Variants in COL8A1 observed in about 807,000 individuals in gnomAD.
COL8A1 encodes collagen alpha-1(VIII) chain.
A neutral mutation model predicts 42.7 loss-of-function variants in COL8A1; 21 were observed. The observed-to-expected ratio is 0.49, with a 90% CI of 0.35 to 0.71. The LOEUF (loss-of-function observed/expected upper bound fraction) is 0.71. Among genes scored for constraint, COL8A1 ranks in the 30% least tolerant of loss-of-function variants. COL8A1 has a pLI of 0.01. For synonymous variants in COL8A1, 367 were observed against 369.1 expected, an observed-to-expected ratio of 0.99 and a Z score of 0.06; for missense variants, 788 against 962.4, an observed-to-expected ratio of 0.82 and a Z score of 2.40.
chr3:99,777,108 T>C (rs1291252018), intron 2 of COL8A1, among the ~76,000 whole-genome samples: 1 of 152,182 alleles, frequency 6.6e-6, no homozygotes, highest in Non-Finnish European at 1.5e-5. Flanking sequence ...TGACTAAGAA[T>C]GCCTTAACCT....
intron 2 of COL8A1, among the ~76,000 whole-genome samples, chr3:99,754,918 T>A (rs905709625): frequency 1.3e-5 from 2 of 152,228 alleles, no homozygotes; most frequent in African/African-American, 4.8e-5. Context: ...ATGCTAAGAC[T>A]TGCTGGCATC....
intron 1 of COL8A1, among the ~76,000 whole-genome samples, chr3:99,715,322 A>G (rs1857290): frequency 0.71 from 107,408 of 151,948 alleles, 38,676 homozygotes; most frequent in African/African-American, 0.86. Context: ...ACTATTAGTG[A>G]AGACAGTAAG....
At chr3:99,679,353 C>CCCCCAACCCCATGACAGGCCCCGGTGTG (rs1938797469) in intron 1 of COL8A1, 1 of 152,184 alleles carries the variant, frequency 6.6e-6, no homozygotes, top group Admixed American at 6.5e-5. Context: ...AAGCAAAACC[C>CCCCCAACCCCATGACAGGCCCCGGTGTG]TTCACACCTA....
intron 1 of COL8A1, among the ~76,000 whole-genome samples, chr3:99,735,541 G>T (rs921244294): frequency 2.0e-5 from 3 of 150,238 alleles, no homozygotes; most frequent in Non-Finnish European, 4.4e-5. Flanking sequence ...TGTGCTGCTG[G>T]ATTCAGTTTG....
At chr3:99,736,176 T>C (rs1576455671) in intron 1 of COL8A1, among the ~76,000 whole-genome samples, 1 of 152,200 alleles carries the variant, frequency 6.6e-6, no homozygotes, top group Non-Finnish European at 1.5e-5. Context: ...ATTTTAGTTA[T>C]TTCTTGCCTT....
chr3:99,682,999 T>C (rs1938935999), intron 1 of COL8A1, among the ~76,000 whole-genome samples: 1 of 152,230 alleles, frequency 6.6e-6, no homozygotes, highest in Admixed American at 6.5e-5. Context: ...TTATCTTCTG[T>C]ATGAACTTTT....
At chr3:99,658,811 A>G (rs1938111314) in intron 1 of COL8A1, among the ~76,000 whole-genome samples, 1 of 152,214 alleles carries the variant, frequency 6.6e-6, no homozygotes, top group South Asian at 2.1e-4. Context: ...AATCTAAGAC[A>G]GGCCCTTAGC....
At chr3:99,735,580 A>C in intron 1 of COL8A1, among the ~76,000 whole-genome samples, 1 of 150,362 alleles carries the variant, frequency 6.7e-6, no homozygotes, top group Non-Finnish European at 1.5e-5. Context: ...TTTTTGCATC[A>C]ATGTTCATCA....
intron 2 of COL8A1, among the ~76,000 whole-genome samples, chr3:99,767,950 G>A (rs1463617015): frequency 6.6e-6 from 1 of 152,118 alleles, no homozygotes; most frequent in Non-Finnish European, 1.5e-5. Flanking sequence ...TCCTGTTGAA[G>A]GTGATATAAG....
intron 1 of COL8A1, among the ~76,000 whole-genome samples, chr3:99,664,482 TA>T (rs113465524): frequency 0.33 from 48,580 of 149,022 alleles, 8,585 homozygotes; most frequent in East Asian, 0.55. Flanking sequence ...TAAAGTATAA[TA>T]AAAAAAAAAT....
intron 1 of COL8A1, among the ~76,000 whole-genome samples, chr3:99,730,898 TA>T (rs1206808091): frequency 6.6e-6 from 1 of 152,274 alleles, no homozygotes; most frequent in East Asian, 1.9e-4. Flanking sequence ...TAAAGTCTTT[TA>T]AAATGCCCAT....
At chr3:99,669,745 A>G (rs1403494717) in intron 1 of COL8A1, among the ~76,000 whole-genome samples, 1 of 152,066 alleles carries the variant, frequency 6.6e-6, no homozygotes, top group South Asian at 2.1e-4. Flanking sequence ...TACAAGTGCT[A>G]AAGAGATCGA....
chr3:99,790,600 C>A, intron 2 of COL8A1, 80 bp from the exon 3 acceptor site: 2 of 1,125,130 alleles, frequency 1.8e-6, no homozygotes, highest in East Asian at 2.5e-5. Context: ...CCTTTTTTTT[C>A]CCCATTCTAT....
intron 1 of COL8A1, among the ~76,000 whole-genome samples, chr3:99,663,911 C>T (rs1938286125): frequency 6.6e-6 from 1 of 152,094 alleles, no homozygotes; most frequent in African/African-American, 2.4e-5. Flanking sequence ...ATGTCCTGCC[C>T]TACCACTAAT....
At chr3:99,728,137 G>T (rs1197525741) in intron 1 of COL8A1, among the ~76,000 whole-genome samples, 1 of 152,066 alleles carries the variant, frequency 6.6e-6, no homozygotes, top group African/African-American at 2.4e-5. Context: ...GGAAGTTCTG[G>T]CCAGGGCAAT....
At chr3:99,659,374 A>G (rs1321061764) in intron 1 of COL8A1, among the ~76,000 whole-genome samples, 1 of 152,148 alleles carries the variant, frequency 6.6e-6, no homozygotes, top group East Asian at 1.9e-4. Flanking sequence ...AGTATAATCC[A>G]TCTGTGCATT....
At chr3:99,751,949 G>A (rs927227931) in intron 2 of COL8A1, among the ~76,000 whole-genome samples, 1 of 152,138 alleles carries the variant, frequency 6.6e-6, no homozygotes, top group African/African-American at 2.4e-5. Context: ...TAAAGTTGCT[G>A]ATATGCTGAA....
chr3:99,712,391 G>A (rs899774913), intron 1 of COL8A1, among the ~76,000 whole-genome samples: 1 of 152,092 alleles, frequency 6.6e-6, no homozygotes, highest in African/African-American at 2.4e-5. Context: ...CGCTTGGCAA[G>A]GCATGTTGGC....
chr3:99,696,603 G>A lies in COL8A1; in HGVS notation c.-128-48294G>A, dbSNP rs147851882. Among the ~76,000 whole-genome samples, 20 of 152,310 alleles carry A rather than the reference G, an allele frequency of 1.3e-4. 1 individual carries two copies. In the East Asian group the frequency reaches 3.9e-3, roughly 29 times the overall value. On this transcript the variant is annotated intron_variant, in intron 1 of 3. Transcript: ENST00000652472. ...ACAGCACAGCACCAAAGGTGTTGGA[G>A]GCCTGTTTGCATATGGCCAGCCACT...
Sources: gnomAD v4.1 joint callset for allele counts (sites outside exome capture counted in the v4.1 genomes callset) on GRCh38, gnomAD v4.1.1 for gene constraint, MANE v1.5 for transcripts, NCBI Gene and HGNC (gene_info 2026-07-23, HGNC 2026-07-21) for gene names.